Variants in GRIA2 observed in about 807,000 individuals in gnomAD.
GRIA2 encodes the protein glutamate ionotropic receptor AMPA type subunit 2.
A neutral mutation model predicts 97.3 loss-of-function variants in GRIA2; 14 were observed. The observed-to-expected ratio is 0.14, with a 90% CI of 0.10 to 0.23. The LOEUF is 0.23. Ranked by LOEUF, GRIA2 falls within the 10% of genes least tolerant of loss-of-function variation. GRIA2 has a pLI of 1.00. For missense variants in GRIA2, 558 were observed against 1,069.8 expected (o/e 0.52, Z 6.67); for synonymous variants, 412 against 387.8 (o/e 1.06, Z -0.73).
intron 2 of GRIA2, among the ~76,000 whole-genome samples, chr4:157,244,546 A>G (rs1480767574): frequency 1.3e-5 from 2 of 152,006 alleles, no homozygotes; most frequent in Non-Finnish European, 2.9e-5. Context: ...GTTGGAAGCA[A>G]TTTGTTCAGA....
chr4:157,230,862 T>G (rs527660470), intron 2 of GRIA2, among the ~76,000 whole-genome samples: 8 of 152,028 alleles, frequency 5.3e-5, no homozygotes, highest in African/African-American at 1.9e-4. Flanking sequence ...TTATTTTATT[T>G]TATTTCTTAG....
intron 12 of GRIA2, among the ~76,000 whole-genome samples, chr4:157,356,115 TTA>T (rs1423123025): frequency 1.6e-5 from 2 of 121,990 alleles, no homozygotes; most frequent in African/African-American, 6.1e-5. Context: ...ATTTATTTAT[TTA>T]TATATATTTA....
At chr4:157,250,802 C>G (rs1730985691) in intron 2 of GRIA2, among the ~76,000 whole-genome samples, 1 of 152,116 alleles carries the variant, frequency 6.6e-6, no homozygotes. Flanking sequence ...ACACAATCTT[C>G]TCAACTTATT....
At chr4:157,224,705 G>A (rs1211196060) in intron 2 of GRIA2, among the ~76,000 whole-genome samples, 2 of 152,070 alleles carry the variant, frequency 1.3e-5, no homozygotes, top group Non-Finnish European at 1.5e-5. Flanking sequence ...GGTCTTGATC[G>A]TTTAAATCCT....
intron 12 of GRIA2, among the ~76,000 whole-genome samples, chr4:157,351,736 A>T (rs1297104709): frequency 6.6e-6 from 1 of 152,118 alleles, no homozygotes. Flanking sequence ...TGTTCTTGTG[A>T]TAGTGACTGA....
chr4:157,227,697 G>A (rs999041813), intron 2 of GRIA2, among the ~76,000 whole-genome samples: 12 of 152,076 alleles, frequency 7.9e-5, no homozygotes, highest in Admixed American at 1.3e-4. Context: ...ACAGTAGATT[G>A]TACTGAAGAT....
chr4:157,238,866 T>G (rs1444324615), intron 2 of GRIA2, among the ~76,000 whole-genome samples: 3 of 152,142 alleles, frequency 2.0e-5, no homozygotes, highest in African/African-American at 7.2e-5. Flanking sequence ...GTTACAATTT[T>G]TAAAATTCTT....
rs536322172 is a variant in GRIA2, at chr4:157,265,099, A to G, written c.230-38453A>G. On this transcript the variant is annotated intron_variant, in intron 2 of 15. Coordinates refer to ENST00000264426, the MANE Select transcript of GRIA2 (RefSeq NM_001083619.3). The stretch of plus-strand genomic sequence containing the variant: ...TATACTGCCCTTGTTAAGATAGGAT[A>G]TTAATAATGTATCTTTTCATTTATC... Among the ~76,000 whole-genome samples the G allele has an allele frequency of 1.6e-4, 24 of 152,282 alleles. 1 individual carries two copies. In the South Asian group the frequency reaches 5.0e-3, roughly 32 times the overall value.
intron 12 of GRIA2, among the ~76,000 whole-genome samples, chr4:157,343,513 T>C (rs1165349627): frequency 6.6e-6 from 1 of 152,072 alleles, no homozygotes; most frequent in African/African-American, 2.4e-5. Context: ...TCCACACTTG[T>C]TTGTGTAATG....
chr4:157,304,076 G>A (rs1467718503), intron 3 of GRIA2, among the ~76,000 whole-genome samples: 1 of 152,158 alleles, frequency 6.6e-6, no homozygotes, highest in Non-Finnish European at 1.5e-5. Context: ...TTTTGCATCA[G>A]CAGCTAAAAG....
intron 2 of GRIA2, among the ~76,000 whole-genome samples, chr4:157,289,216 T>A (rs554264874): frequency 6.6e-6 from 1 of 152,034 alleles, no homozygotes; most frequent in East Asian, 1.9e-4. Context: ...AATTTCAATA[T>A]GTCCCTTAAA....
At chr4:157,282,124 G>A (rs143665637) in intron 2 of GRIA2, among the ~76,000 whole-genome samples, 90 of 152,188 alleles carry the variant, frequency 5.9e-4, no homozygotes, top group African/African-American at 2.0e-3. Flanking sequence ...TCTGTTAACT[G>A]TTTATCTGCC....
intron 2 of GRIA2, among the ~76,000 whole-genome samples, chr4:157,259,384 G>T (rs191687545): frequency 3.3e-5 from 5 of 152,136 alleles, no homozygotes; most frequent in Admixed American, 3.3e-4. Flanking sequence ...AAATCATTTT[G>T]CTTGTTTGCA....
intron 4 of GRIA2, among the ~76,000 whole-genome samples, chr4:157,314,413 AC>A (rs1734221271): frequency 6.6e-6 from 1 of 152,186 alleles, no homozygotes; most frequent in African/African-American, 2.4e-5. Context: ...ATGCAAAAGA[AC>A]TAAATGTTGA....
chr4:157,350,429 G>A (rs1735959452), intron 12 of GRIA2, among the ~76,000 whole-genome samples: 1 of 151,688 alleles, frequency 6.6e-6, no homozygotes, highest in South Asian at 2.1e-4. Flanking sequence ...TAGATTTTGG[G>A]GGAACAGGTG....
chr4:157,339,754 G>C (rs1735466913), intron 11 of GRIA2, among the ~76,000 whole-genome samples: 1 of 151,842 alleles, frequency 6.6e-6, no homozygotes, highest in South Asian at 2.1e-4. Flanking sequence ...TACTGAATCT[G>C]CGCTCTTAAA....
intron 12 of GRIA2, among the ~76,000 whole-genome samples, chr4:157,346,044 A>T (rs901168035): frequency 1.6e-4 from 24 of 152,298 alleles, no homozygotes; most frequent in African/African-American, 5.8e-4. Flanking sequence ...TGAAATAATT[A>T]GTTTGAAATT....
intron 2 of GRIA2, among the ~76,000 whole-genome samples, chr4:157,272,812 T>A (rs147562597): frequency 1.1e-3 from 171 of 152,206 alleles, no homozygotes; most frequent in African/African-American, 3.9e-3. Flanking sequence ...TGCCAAACAT[T>A]CTGTCTCATT....
rs776108757 is a variant in GRIA2, at chr4:157,335,705, A to G, written c.1301A>G (p.Glu434Gly). 2 of 1,611,626 alleles carry G rather than the reference A, an allele frequency of 1.2e-6. No individual in the cohort carries two copies. Among genetic ancestry groups the G allele is most frequent in the South Asian group, 2.2e-5 (2 of 91,048 alleles). Residue 434 changes from glutamate to glycine, a missense_variant, in exon 10 of 16, where the codon GAA (glutamate) becomes GGA (glycine). Around this residue, in one of 8 missense-constraint regions of GRIA2, gnomAD observed 41 missense variants for 102.2 expected, o/e 0.40. Transcript: ENST00000264426. ...TATGTTATGATGAAGAAAAATCATG[A>G]AATGCTTGAAGGCAATGAGCGCTAT... ...SPYVMMKKNH[E>G]MLEGNERYEG...
Sources: allele counts gnomAD v4.1 joint callset (sites outside exome capture counted in the v4.1 genomes callset), GRCh38; gene constraint gnomAD v4.1.1; regional missense constraint gnomAD v4.1.1; transcripts MANE v1.5; gene names NCBI Gene and HGNC (gene_info 2026-07-23, HGNC 2026-07-21).